Variants in TMPRSS7 observed in about 807,000 individuals in gnomAD.
TMPRSS7 encodes transmembrane protease serine 7.
A neutral mutation model predicts 95.6 loss-of-function variants in TMPRSS7; 81 were observed. The ratio of observed to expected loss-of-function variants is 0.85; its 90% CI spans 0.71 to 1.02. The LOEUF (loss-of-function observed/expected upper bound fraction) is 1.02, where lower values mean the gene tolerates loss of function less well. TMPRSS7 is among the 50% of genes least tolerant of loss of function. The pLI, the probability that TMPRSS7 is intolerant of heterozygous loss-of-function variation, is 0.00. For synonymous variants in TMPRSS7, 364 were observed against 337.8 expected, an observed-to-expected ratio of 1.08 and a Z score of -0.85; for missense variants, 945 against 955.2, an observed-to-expected ratio of 0.99 and a Z score of 0.14.
chr3:112,074,282 T>C lies in TMPRSS7; in HGVS notation c.1667-14T>C. 1 of 1,580,258 alleles carries C rather than the reference T, an allele frequency of 6.3e-7. No individual in the cohort carries two copies. The highest frequency in any genetic ancestry group is 8.7e-7 in the Non-Finnish European group (1 of 1,151,056). On this transcript the variant is annotated splice_polypyrimidine_tract_variant and intron_variant, in intron 13 of 17. Coordinates refer to ENST00000452346, the Ensembl canonical transcript of TMPRSS7. ...TGGCTAAGGAAAGCTGTTTCTTCTTTTGTCCATTGTTAGGTATTCCATGCA... is the reference window on the plus strand; with the variant it reads ...TGGCTAAGGAAAGCTGTTTCTTCTTCTGTCCATTGTTAGGTATTCCATGCA...
At chr3:112,080,056 C>A (rs902898693) in intron 17 of TMPRSS7, among the ~76,000 whole-genome samples, 2 of 152,100 alleles carry the variant, frequency 1.3e-5, no homozygotes, top group African/African-American at 4.8e-5. Context: ...AAATAAAGAG[C>A]CCAGCTTCCC....
chr3:112,068,262 G>GC lies in TMPRSS7; in HGVS notation c.1666+1765dup, dbSNP rs2073600277. Among the ~76,000 whole-genome samples, 4 of 152,240 alleles carry GC rather than the reference G, an allele frequency of 2.6e-5. No homozygotes were observed. In the South Asian group the frequency reaches 8.3e-4, roughly 32 times the overall value. ...ATAATTTGAAATCAGGTAGCGTGAT[G>GC]CCCCCAACTTTGTTCTTTTGGCTTA... On this transcript the variant is annotated intron_variant, in intron 13 of 17. Coordinates refer to ENST00000452346, the Ensembl canonical transcript of TMPRSS7.
intron 3 of TMPRSS7, among the ~76,000 whole-genome samples, chr3:112,044,051 A>G (rs1271698381): frequency 6.6e-6 from 1 of 152,220 alleles, no homozygotes; most frequent in Non-Finnish European, 1.5e-5. Context: ...CAGATAGCAG[A>G]ATGAAAGTAA....
intron 7 of TMPRSS7, among the ~76,000 whole-genome samples, chr3:112,048,571 A>T (rs1442207582): frequency 6.6e-6 from 1 of 152,242 alleles, no homozygotes; most frequent in African/African-American, 2.4e-5. Context: ...GTAAACTAAT[A>T]ATGAATTAGG....
Position 112,046,971 on chromosome 3 carries a change from C to T in TMPRSS7, c.692-3C>T. On this transcript the variant is annotated splice_region_variant and splice_polypyrimidine_tract_variant and intron_variant, in intron 5 of 17. Transcript: ENST00000452346. Reference sequence around the variant, plus strand: ...TCTCTTCTCATGTGCTTTTTCAATGCAGCTGGGCTTCGGTCGGATTACTCG... The same window carrying T: ...TCTCTTCTCATGTGCTTTTTCAATGTAGCTGGGCTTCGGTCGGATTACTCG... 1 of 702,532 alleles carries T rather than the reference C, an allele frequency of 1.4e-6. No homozygotes were observed. The allele number at this position is 702,532 out of a possible 1,614,324, so 43.5% of individuals were successfully genotyped here. A position where few individuals can be genotyped will look rare whatever the true frequency, so the allele number is the denominator to read the frequency against.
chr3:112,075,379 G>T (rs376072972), exon 15 of TMPRSS7: 3 of 1,518,188 alleles, frequency 2.0e-6, no homozygotes, highest in Non-Finnish European at 1.8e-6. Flanking sequence ...ACACCCTGGA[G>T]GGGGGTTGGC....
At chr3:112,060,830 T>C (rs1019840033) in intron 10 of TMPRSS7, among the ~76,000 whole-genome samples, 4 of 152,124 alleles carry the variant, frequency 2.6e-5, no homozygotes, top group African/African-American at 4.8e-5. Flanking sequence ...AGGTTATTGA[T>C]TGGGGAAGTG....
chr3:112,072,347 C>A lies in TMPRSS7; in HGVS notation c.1667-1949C>A, dbSNP rs145215363. ...TGATCCTTCCTCTGGAAGCTTCGTC[C>A]CAGAGGGGCACCCGCCTATATGAGG... is the stretch of plus-strand genomic sequence containing the variant. On this transcript the variant is annotated intron_variant, in intron 13 of 17. Transcript: ENST00000452346. 4.4e-3 allele frequency among the ~76,000 whole-genome samples: 675 copies of A among 152,314 alleles called. 23 individuals are homozygous for A. The East Asian group carries it at 0.065, about 15-fold the overall frequency.
chr3:112,074,021 A>C (rs1032869631), intron 13 of TMPRSS7, among the ~76,000 whole-genome samples: 2 of 152,240 alleles, frequency 1.3e-5, no homozygotes, highest in Non-Finnish European at 2.9e-5. Flanking sequence ...GATATGTCGC[A>C]CTTCTTCATG....
chr3:112,048,452 AT>A lies in TMPRSS7; in HGVS notation c.959+489del, dbSNP rs1287337231. On this transcript the variant is annotated intron_variant, in intron 7 of 17. Transcript: ENST00000452346. ...ATTATTCAGAGCAAATTTCTGTTATATTTTAGCATAAATCCTTTCATTCATG... is the reference window on the plus strand; with the variant it reads ...ATTATTCAGAGCAAATTTCTGTTATATTTAGCATAAATCCTTTCATTCATG... Among the ~76,000 whole-genome samples the A allele has an allele frequency of 3.9e-5, 6 of 152,338 alleles. No individual in the cohort carries two copies. In the East Asian group the frequency reaches 1.2e-3, roughly 29 times the overall value.
At chr3:112,039,816 G>A (rs926956275) in intron 2 of TMPRSS7, 1 of 152,232 alleles carries the variant, frequency 6.6e-6, no homozygotes, top group Non-Finnish European at 1.5e-5. Flanking sequence ...AGGGCTTTAT[G>A]AGAACAGCCA....
chr3:112,054,788 T>G lies in TMPRSS7; in HGVS notation c.1204-2237T>G, dbSNP rs978628452. Among the ~76,000 whole-genome samples the G allele has an allele frequency of 4.9e-5, 6 of 122,990 alleles. 1 individual carries two copies. In the Admixed American group the frequency reaches 7.2e-4, roughly 15 times the overall value. 80.7% of individuals were successfully genotyped at this position (122,990 alleles called of 152,430 possible). A position where few individuals can be genotyped will look rare whatever the true frequency, so the allele number is the denominator to read the frequency against. ...CGGAGTCTCGTTCTGTCGCCCACGC[T>G]GGAGTGCAGTGGCACATCTCGGCTC... On this transcript the variant is annotated intron_variant, in intron 9 of 17. Coordinates refer to ENST00000452346, the Ensembl canonical transcript of TMPRSS7.
At chr3:112,062,499 G>A (rs1213832559) in intron 11 of TMPRSS7, among the ~76,000 whole-genome samples, 3 of 152,150 alleles carry the variant, frequency 2.0e-5, no homozygotes, top group African/African-American at 4.8e-5. Context: ...GACATGCTCA[G>A]GAAATCTTTG....
intron 10 of TMPRSS7, among the ~76,000 whole-genome samples, chr3:112,059,104 G>C (rs964136869): frequency 4.6e-5 from 7 of 152,180 alleles, no homozygotes; most frequent in African/African-American, 1.7e-4. Context: ...GACAGCCTGG[G>C]GGTGAGGTGT....
chr3:112,070,473 G>C lies in TMPRSS7; in HGVS notation c.1667-3823G>C, dbSNP rs976868121. Among the ~76,000 whole-genome samples, 32 of 152,182 alleles carry C rather than the reference G, an allele frequency of 2.1e-4. 1 individual carries two copies. The highest frequency in any genetic ancestry group is 5.8e-4 in the African/African-American group (24 of 41,436). On this transcript the variant is annotated intron_variant, in intron 13 of 17. Coordinates refer to ENST00000452346, the Ensembl canonical transcript of TMPRSS7. ...ATTGTGTGGGAGTCTAAGTCTCTTT[G>C]TAGGTCTCTAAAGACTTGCTTTATG...
chr3:112,050,153 A>T (rs745958045), intron 8 of TMPRSS7, among the ~76,000 whole-genome samples, 179 bp downstream of exon 8: 1 of 152,256 alleles, frequency 6.6e-6, no homozygotes, highest in East Asian at 1.9e-4. Context: ...TTCTGTAAGA[A>T]CTATTAACTT....
intron 13 of TMPRSS7, 68 bp downstream of exon 13, chr3:112,066,570 C>CCCTAACCCA: frequency 7.0e-7 from 1 of 1,433,908 alleles, no homozygotes; most frequent in Non-Finnish European, 9.8e-7. Context: ...ACAAAAATAC[C>CCCTAACCCA]TCTGATGGGT....
At chr3:112,052,449 C>T (rs987925710) in intron 9 of TMPRSS7, among the ~76,000 whole-genome samples, 1 of 151,726 alleles carries the variant, frequency 6.6e-6, no homozygotes, top group South Asian at 2.1e-4. Flanking sequence ...GTGTCAATAC[C>T]CTGATGGCAT....
At chr3:112,069,667 G>A in intron 13 of TMPRSS7, among the ~76,000 whole-genome samples, 1 of 151,900 alleles carries the variant, frequency 6.6e-6, no homozygotes, top group Non-Finnish European at 1.5e-5. Context: ...GATTGGTGGT[G>A]ATATCCCCTT....
Sources: gnomAD v4.1 joint callset for allele counts (sites outside exome capture counted in the v4.1 genomes callset) on GRCh38, gnomAD v4.1.1 for gene constraint, MANE v1.5 for transcripts, NCBI Gene and HGNC (gene_info 2026-07-23, HGNC 2026-07-21) for gene names.